The following ONECUT3 variants were observed in gnomAD, a reference collection of about 807,000 sequenced individuals.
ONECUT3 encodes the protein one cut domain family member 3.
ONECUT3 carries 11 observed loss-of-function variants against 16.8 expected under a neutral mutation model. The ratio of observed to expected loss-of-function variants is 0.66; its 90% confidence interval spans 0.41 to 1.09. The LOEUF (loss-of-function observed/expected upper bound fraction) is 1.09, where lower values mean the gene tolerates loss of function less well. ONECUT3 is among the 50% of genes least tolerant of loss of function. ONECUT3 has a pLI of 0.00. For missense variants in ONECUT3, 637 were observed against 629.9 expected, an observed-to-expected ratio of 1.01 and a Z score of -0.12; for synonymous variants, 344 against 310.7, an observed-to-expected ratio of 1.11 and a Z score of -1.13.
chr19:1,775,396 C>A lies in ONECUT3; in HGVS notation c.1436C>A (p.Thr479Lys). 6.6e-7 allele frequency: 1 copy of A among 1,519,008 alleles called. No individual in the cohort carries two copies. Among genetic ancestry groups the A allele is most frequent in the East Asian group, 2.5e-5 (1 of 39,550 alleles). 94.1% of individuals were successfully genotyped at this position (1,519,008 alleles called of 1,614,324 possible). Residue 479 changes from threonine to lysine, a missense_variant, in exon 2 of 2, where the codon ACG becomes AAG. Physicochemically the swap from Thr to Lys is moderately conservative, Grantham distance 78. Around this residue, in one of 3 missense-constraint regions of ONECUT3, gnomAD observed 183 missense variants for 188.3 expected, o/e 0.97. Transcript: ENST00000382349. ...CMNRWAEEPS[T>K]APGGPAGATA... ...AACCGCTGGGCTGAGGAGCCCAGCACGGCCCCCGGGGGCCCCGCCGGCGCC... is the reference window on the plus strand; with the variant it reads ...AACCGCTGGGCTGAGGAGCCCAGCAAGGCCCCCGGGGGCCCCGCCGGCGCC...
At position 1,753,857 on chromosome 19, in the gene ONECUT3, C is replaced by A. The variant is rs1038004364; in HGVS notation, c.195C>A (p.Ala65=). The part of the protein sequence containing the change: ...DGGGGGGGGG[A]GGAGGAGSAG... ...GCGGCGGCGGCGGCGGTGGGGGCGC[C>A]GGGGGCGCGGGCGGCGCGGGCAGCG... Residue 65 remains alanine (A), a synonymous_variant, in exon 1 of 2, where the codon GCC becomes GCA. Transcript: ENST00000382349. The A allele has an allele frequency of 6.2e-6, 6 of 973,172 alleles. No homozygotes were observed. The African/African-American group carries it at 1.1e-4, about 17-fold the overall frequency. The allele number at this position is 973,172 out of a possible 1,614,324, so 60.3% of individuals were successfully genotyped here.
intron 1 of ONECUT3, among the ~76,000 whole-genome samples, chr19:1,768,156 G>A (rs1343583008): frequency 6.6e-6 from 1 of 152,082 alleles, no homozygotes; most frequent in Non-Finnish European, 1.5e-5. Flanking sequence ...GGACAGAGCA[G>A]GTGAATTGTT....
At position 1,775,281 on chromosome 19, in the gene ONECUT3, A is replaced by G; in HGVS notation, c.1321A>G (p.Lys441Glu). The change falls in exon 2 of 2, where the codon AAG becomes GAG. Residue 441 changes from lysine (K) to glutamate (E), a missense_variant. By Grantham distance (56) the Lys-to-Glu change is moderately conservative. Coordinates refer to ENST00000382349, the MANE Select transcript of ONECUT3 (RefSeq NM_001080488.2). ...AIFKENKRPS[K>E]EMQVTISQQL... ...CTTCAAGGAGAACAAGCGGCCGTCC[A>G]AGGAGATGCAGGTCACCATCTCGCA... 1 of 1,605,006 alleles carries G rather than the reference A, an allele frequency of 6.2e-7. No individual in the cohort carries two copies. The highest frequency in any genetic ancestry group is 8.5e-7 in the Non-Finnish European group (1 of 1,175,680).
Position 1,766,273 on chromosome 19 carries a change from G to A in ONECUT3, c.1193-8880G>A, listed in dbSNP as rs1385123884. On this transcript the variant is annotated intron_variant, in intron 1 of 1. Transcript: ENST00000382349. The surrounding 1 kb of genome is among the most constrained non-coding windows in gnomAD (Gnocchi z 4.0). ...CAGGCAGCCCCACGCGGGCACACCC[G>A]ATGGTGGACGGAGGCTGGCACCCTC... Among the ~76,000 whole-genome samples the A allele has an allele frequency of 1.3e-5, 2 of 150,754 alleles. No homozygotes were observed. The highest frequency in any genetic ancestry group is 2.4e-5 in the African/African-American group (1 of 41,266).
rs914747066 is a variant in ONECUT3, at chr19:1,777,431, G to C, written c.*1986G>C. On this transcript the variant is annotated 3_prime_UTR_variant, in exon 2 of 2. Transcript: ENST00000382349. ...GCACACATGCAAAGACACGCATGCA[G>C]GCACACGCAGACGCACACAGAGACA... The C allele has an allele frequency of 7.4e-6, 1 of 135,390 alleles. No individual in the cohort carries two copies. Among genetic ancestry groups the C allele is most frequent in the Non-Finnish European group, 1.6e-5 (1 of 64,288 alleles). 8.4% of individuals were successfully genotyped at this position (135,390 alleles called of 1,614,324 possible).
intron 1 of ONECUT3, among the ~76,000 whole-genome samples, chr19:1,760,224 C>A (rs1226486554): frequency 2.6e-5 from 4 of 152,224 alleles, no homozygotes; most frequent in Non-Finnish European, 5.9e-5. Flanking sequence ...TCAGCTTCCG[C>A]TAGGAGGGGC....
In ONECUT3 at chr19:1,775,536, C is replaced by G. The variant is rs369527336; in HGVS notation, c.*91C>G. 1 of 1,315,800 alleles carries G rather than the reference C, an allele frequency of 7.6e-7. No individual in the cohort carries two copies. Among genetic ancestry groups the G allele is most frequent in the Admixed American group, 3.5e-5 (1 of 28,286 alleles). The allele number at this position is 1,315,800 out of a possible 1,614,324, so 81.5% of individuals were successfully genotyped here. A position where few individuals can be genotyped will look rare whatever the true frequency, so the allele number is the denominator to read the frequency against. ...CACATCCTGCCGGCCCGGAGACCCG[C>G]CCCCAGGGGGCACCTGGAGGGGGTG... On this transcript the variant is annotated 3_prime_UTR_variant, in exon 2 of 2. Coordinates refer to ENST00000382349, the MANE Select transcript of ONECUT3 (RefSeq NM_001080488.2).
chr19:1,757,742 G>A (rs932459526), intron 1 of ONECUT3, among the ~76,000 whole-genome samples: 2 of 152,250 alleles, frequency 1.3e-5, no homozygotes, highest in Non-Finnish European at 2.9e-5. Flanking sequence ...AGTTCCGGTC[G>A]CTGCGCAAAT....
In ONECUT3 at chr19:1,775,574, C is replaced by A. The variant is rs2068099548; in HGVS notation, c.*129C>A. 2 of 935,646 alleles carry A rather than the reference C, an allele frequency of 2.1e-6. No homozygotes were observed. Among genetic ancestry groups the A allele is most frequent in the Non-Finnish European group, 3.0e-6 (2 of 668,614 alleles). 58.0% of individuals were successfully genotyped at this position (935,646 alleles called of 1,614,324 possible). On this transcript the variant is annotated 3_prime_UTR_variant, in exon 2 of 2. Coordinates refer to ENST00000382349, the MANE Select transcript of ONECUT3 (RefSeq NM_001080488.2). ...CCTGGAGGGGGTGCTATCCGGGCCC[C>A]CCACACCCGGGGAGGGGGAAGCAGC...
rs1471946033 is a variant in ONECUT3, at chr19:1,759,811, G to A, written c.1192+4957G>A. 6.6e-6 allele frequency among the ~76,000 whole-genome samples: 1 copy of A among 152,168 alleles called. No individual in the cohort carries two copies. Among genetic ancestry groups the A allele is most frequent in the Non-Finnish European group, 1.5e-5 (1 of 68,024 alleles). ...GCTGGAGGGGCTCAGGGGTCTGAAGGGGCCACCGTAGGTTTCCACAGGGAT... is the reference window on the plus strand; with the variant it reads ...GCTGGAGGGGCTCAGGGGTCTGAAGAGGCCACCGTAGGTTTCCACAGGGAT... On this transcript the variant is annotated intron_variant, in intron 1 of 1. Transcript: ENST00000382349. This position sits in a 1 kb window ranked among gnomAD's most constrained non-coding sequence, Gnocchi z 4.1.
rs887706097 is a variant in ONECUT3, at chr19:1,758,759, G to C, written c.1192+3905G>C. 6.6e-6 allele frequency among the ~76,000 whole-genome samples: 1 copy of C among 152,036 alleles called. No individual in the cohort carries two copies. Among genetic ancestry groups the C allele is most frequent in the Non-Finnish European group, 1.5e-5 (1 of 67,998 alleles). ...CGTCTCCAACAGTAATTATGGGAGA[G>C]GGGCTGGGGGAGGGGCGGGCGGGCT... is the stretch of plus-strand genomic sequence containing the variant. On this transcript the variant is annotated intron_variant, in intron 1 of 1. Coordinates refer to ENST00000382349, the MANE Select transcript of ONECUT3 (RefSeq NM_001080488.2). The surrounding 1 kb of genome is among the most constrained non-coding windows in gnomAD (Gnocchi z 5.9).
In ONECUT3 at chr19:1,778,916, C is replaced by G. The variant is rs1232229005; in HGVS notation, c.*3471C>G. 7.7e-6 allele frequency: 1 copy of G among 129,204 alleles called. No homozygotes were observed. The highest frequency in any genetic ancestry group is 2.3e-4 in the South Asian group (1 of 4,310). The allele number at this position is 129,204 out of a possible 1,614,324, so 8.0% of individuals were successfully genotyped here. On this transcript the variant is annotated 3_prime_UTR_variant, in exon 2 of 2. Transcript: ENST00000382349. ...CACACACACACACACACACACACCCCTACCTGTTTCCGGACCCCACCCCAA... is the reference window on the plus strand; with the variant it reads ...CACACACACACACACACACACACCCGTACCTGTTTCCGGACCCCACCCCAA...
In ONECUT3 at chr19:1,764,767, G is replaced by C. The variant is rs2067969869; in HGVS notation, c.1192+9913G>C. Among the ~76,000 whole-genome samples the C allele has an allele frequency of 6.9e-6, 1 of 144,574 alleles. No homozygotes were observed. The highest frequency in any genetic ancestry group is 2.6e-5 in the African/African-American group (1 of 38,666). The allele number at this position is 144,574 out of a possible 152,430, so 94.8% of individuals were successfully genotyped here. On this transcript the variant is annotated intron_variant, in intron 1 of 1. Transcript: ENST00000382349. This position sits in a 1 kb window ranked among gnomAD's most constrained non-coding sequence, Gnocchi z 5.0. ...TAACTGGACATGTGACCTTGGGCAA[G>C]TCACCCACTGACTCGAGTCTGGAGA...
chr19:1,773,275 T>C (rs2068073856), intron 1 of ONECUT3, among the ~76,000 whole-genome samples: 1 of 147,994 alleles, frequency 6.8e-6, no homozygotes, highest in Non-Finnish European at 1.5e-5. Flanking sequence ...TCCCTCCCTC[T>C]CTCTCTCTCC....
rs552599813 is a variant in ONECUT3, at chr19:1,769,383, G to A, written c.1193-5770G>A. Among the ~76,000 whole-genome samples, 54 of 152,148 alleles carry A rather than the reference G, an allele frequency of 3.5e-4. No homozygotes were observed. In the East Asian group the frequency reaches 8.1e-3, roughly 23 times the overall value. ...ACCTCATTGGAGGCTGGTGGAGGTCGCGTGGCAGAGGTGGCAATGGTGGGC... is the reference window on the plus strand; with the variant it reads ...ACCTCATTGGAGGCTGGTGGAGGTCACGTGGCAGAGGTGGCAATGGTGGGC... On this transcript the variant is annotated intron_variant, in intron 1 of 1. Coordinates refer to ENST00000382349, the MANE Select transcript of ONECUT3 (RefSeq NM_001080488.2).
chr19:1,753,589 GC>G lies in ONECUT3; in HGVS notation c.-73del. 6.2e-6 allele frequency: 3 copies of G among 486,984 alleles called. No homozygotes were observed. Among genetic ancestry groups the G allele is most frequent in the East Asian group, 1.1e-4 (1 of 9,094 alleles). The allele number at this position is 486,984 out of a possible 1,614,324, so 30.2% of individuals were successfully genotyped here. On this transcript the variant is annotated 5_prime_UTR_variant, in exon 1 of 2. Transcript: ENST00000382349. ...CTCGCGCGCAGCCACCGGGGAGCGG[GC>G]GGGAGTCATGCAGCGGCCTTGAGCA...
At position 1,779,276 on chromosome 19, in the gene ONECUT3, T is replaced by C. The variant is rs1417755521; in HGVS notation, c.*3831T>C. ...AGTTCCGTGGGAGACGCATTGAATG[T>C]CAGGGCTGGAGACCAGAGGGAAAGT... On this transcript the variant is annotated 3_prime_UTR_variant, in exon 2 of 2. Transcript: ENST00000382349. 1 of 152,174 alleles carries C rather than the reference T, an allele frequency of 6.6e-6. No individual in the cohort carries two copies. Among genetic ancestry groups the C allele is most frequent in the East Asian group, 1.9e-4 (1 of 5,194 alleles). The allele number at this position is 152,174 out of a possible 1,614,324, so 9.4% of individuals were successfully genotyped here. A position where few individuals can be genotyped will look rare whatever the true frequency, so the allele number is the denominator to read the frequency against.
intron 1 of ONECUT3, among the ~76,000 whole-genome samples, chr19:1,763,497 G>T (rs2067958687): frequency 6.6e-6 from 1 of 151,156 alleles, no homozygotes; most frequent in African/African-American, 2.4e-5. Context: ...AGTGAGACAT[G>T]ACTGCGTCAC....
intron 1 of ONECUT3, among the ~76,000 whole-genome samples, chr19:1,760,910 T>G (rs576195578): frequency 6.6e-6 from 1 of 152,278 alleles, no homozygotes; most frequent in Admixed American, 6.5e-5. Flanking sequence ...GAAGTAATCA[T>G]GACCATTCAT....
Sources: allele counts gnomAD v4.1 joint callset (sites outside exome capture counted in the v4.1 genomes callset), GRCh38; gene constraint gnomAD v4.1.1; regional missense constraint gnomAD v4.1.1; non-coding constraint Gnocchi (gnomAD v3.1); transcripts MANE v1.5; gene names NCBI Gene and HGNC (gene_info 2026-07-23, HGNC 2026-07-21).